The following TERF1 variants were observed in gnomAD, a reference collection of about 807,000 sequenced individuals.
The protein encoded by TERF1 is telomeric repeat-binding factor 1.
TERF1 carries 20 observed loss-of-function variants against 55.1 expected under a neutral mutation model. The observed-to-expected ratio is 0.36, with a 90% CI of 0.26 to 0.53. TERF1 has a LOEUF of 0.53. TERF1 is among the 20% of genes least tolerant of loss of function. The pLI is 0.91. For synonymous variants in TERF1, 168 were observed against 181.2 expected, an observed-to-expected ratio of 0.93 and a Z score of 0.59; for missense variants, 439 against 535.7, an observed-to-expected ratio of 0.82 and a Z score of 1.78.
intron 6 of TERF1, among the ~76,000 whole-genome samples, chr8:73,028,336 C>T (rs1312425923): frequency 6.6e-6 from 1 of 152,176 alleles, no homozygotes; most frequent in African/African-American, 2.4e-5. Flanking sequence ...TTTAACCTCA[C>T]ACATCCAGCT....
At chr8:73,015,193 C>G (rs746181634) in intron 2 of TERF1, among the ~76,000 whole-genome samples, 1 of 151,898 alleles carries the variant, frequency 6.6e-6, no homozygotes, top group Non-Finnish European at 1.5e-5. Flanking sequence ...TGGATATATC[C>G]TAGATATAAT....
chr8:73,044,338 G>A (rs1809949831), intron 9 of TERF1, among the ~76,000 whole-genome samples: 1 of 152,166 alleles, frequency 6.6e-6, no homozygotes, highest in Non-Finnish European at 1.5e-5. Context: ...CAAAGCAGAG[G>A]AATAGCAAGA....
chr8:73,038,857 G>A (rs993854580), intron 8 of TERF1: 1 of 589,734 alleles, frequency 1.7e-6, no homozygotes, highest in African/African-American at 2.0e-5. Flanking sequence ...AACAGATAAT[G>A]GAAAGACAGG....
chr8:73,046,961 A>T lies in TERF1; in HGVS notation c.*824A>T, dbSNP rs1392066867. The T allele has an allele frequency of 6.6e-6, 1 of 152,192 alleles. No homozygotes were observed. The highest frequency in any genetic ancestry group is 2.1e-4 in the South Asian group (1 of 4,832). The allele number at this position is 152,192 out of a possible 1,614,324, so 9.4% of individuals were successfully genotyped here. ...ACATACTTTTGCTTTCAGTAGTTTC[A>T]TGTAAAGAAAAAAACTTGAAAATAG... is the stretch of plus-strand genomic sequence containing the variant. On this transcript the variant is annotated 3_prime_UTR_variant, in exon 10 of 10. Coordinates refer to ENST00000276603, the MANE Select transcript of TERF1 (RefSeq NM_017489.3).
At chr8:73,020,922 A>G in intron 3 of TERF1, 117 bp downstream of exon 3, 2 of 724,448 alleles carry the variant, frequency 2.8e-6, no homozygotes, top group Non-Finnish European at 4.4e-6. Flanking sequence ...GTTTCTCTTC[A>G]GAAATTTGAC....
At chr8:73,014,822 G>C (rs1431934978) in intron 2 of TERF1, among the ~76,000 whole-genome samples, 1 of 152,184 alleles carries the variant, frequency 6.6e-6, no homozygotes, top group Non-Finnish European at 1.5e-5. Context: ...CTTTGTTTGG[G>C]GGGTGAGGGT....
intron 4 of TERF1, among the ~76,000 whole-genome samples, chr8:73,022,996 A>G (rs1027117846): frequency 7.2e-5 from 11 of 152,234 alleles, no homozygotes; most frequent in Non-Finnish European, 1.5e-4. Context: ...CCTCCTGTAT[A>G]GTTTAAATCA....
chr8:73,012,009 TC>T (rs1808300075), intron 1 of TERF1: 1 of 152,240 alleles, frequency 6.6e-6, no homozygotes, highest in Admixed American at 6.5e-5. Context: ...TGACATCCTT[TC>T]CTCACTAAGC....
At chr8:73,037,716 TAATATATATTATATAGTATGAA>T (rs1809622680) in intron 8 of TERF1, among the ~76,000 whole-genome samples, 2 of 88,388 alleles carry the variant, frequency 2.3e-5, no homozygotes, top group African/African-American at 4.9e-5. Context: ...ATATTATATA[TAATATATATTATATAGTATGAA>T]ATATATATTA....
intron 5 of TERF1, 76 bp downstream of exon 5, chr8:73,025,047 A>G: frequency 1.1e-6 from 1 of 900,542 alleles, no homozygotes; most frequent in Non-Finnish European, 1.6e-6. Context: ...CTTGAAATAG[A>G]AATCCTTTAA....
chr8:73,013,934 TGA>T lies in TERF1; in HGVS notation c.362_363del (p.Arg121AsnfsTer18). 3 of 1,611,550 alleles carry T rather than the reference TGA, an allele frequency of 1.9e-6. No individual in the cohort carries two copies. In the South Asian group the frequency reaches 3.3e-5, roughly 18 times the overall value. On this transcript the variant is annotated frameshift_variant, in exon 2 of 10. Transcript: ENST00000276603. LOFTEE classifies it high-confidence loss of function. The stretch of plus-strand genomic sequence containing the variant: ...CTATCCAGTCTAACAGCTTGCCAGT[TGA>T]GAACGATATACATATGTCAGTTTTT...
chr8:73,025,354 C>T (rs997311195), intron 5 of TERF1, among the ~76,000 whole-genome samples: 2 of 152,070 alleles, frequency 1.3e-5, no homozygotes, highest in African/African-American at 2.4e-5. Flanking sequence ...AGGCCAGGCG[C>T]GGTGGCTCAT....
intron 9 of TERF1, 21 bp downstream of exon 9, chr8:73,039,240 C>T (rs767982501): frequency 8.8e-6 from 13 of 1,485,430 alleles, no homozygotes; most frequent in South Asian, 3.7e-5. Context: ...TTTTAAAATT[C>T]GAATAACGCT....
intron 9 of TERF1, chr8:73,042,990 A>G (rs969267694): frequency 6.6e-6 from 1 of 152,218 alleles, no homozygotes; most frequent in Non-Finnish European, 1.5e-5. Context: ...AATCTGGTAC[A>G]ATCAGTTAAA....
rs56373870 is a variant in TERF1 at position 73,009,510 on chromosome 8, T to C, written c.319+305T>C. 3.9e-3 allele frequency: 1,271 copies of C among 327,274 alleles called. 15 individuals carry two copies. The highest frequency in any genetic ancestry group is 0.026 in the African/African-American group (1,204 of 46,098). 20.3% of individuals were successfully genotyped at this position (327,274 alleles called of 1,614,324 possible). On this transcript the variant is annotated intron_variant, in intron 1 of 9. Coordinates refer to ENST00000276603, the MANE Select transcript of TERF1 (RefSeq NM_017489.3). ...CTCAACCCAGTACCTTTGTCTCTTT[T>C]GGCGCTTTCTACTCAGGTATTCCTG...
intron 2 of TERF1, among the ~76,000 whole-genome samples, chr8:73,019,206 T>A (rs745859736): frequency 2.0e-5 from 3 of 151,778 alleles, no homozygotes; most frequent in African/African-American, 7.3e-5. Flanking sequence ...CATCCTCAGA[T>A]GTGGTGTGGG....
intron 5 of TERF1, 117 bp downstream of exon 5, chr8:73,025,088 T>C: frequency 1.6e-6 from 1 of 625,970 alleles, no homozygotes; most frequent in Non-Finnish European, 2.5e-6. Context: ...TGTGGTTTTG[T>C]AGAAAGGTGT....
At chr8:73,014,257 C>T (rs1240055896) in intron 2 of TERF1, among the ~76,000 whole-genome samples, 1 of 143,314 alleles carries the variant, frequency 7.0e-6, no homozygotes, top group Non-Finnish European at 1.5e-5. Flanking sequence ...AAAAAAAAAA[C>T]ATAGTGCTGA....
chr8:73,024,967 T>A lies in TERF1; in HGVS notation c.770T>A (p.Met257Lys), dbSNP rs55834252. Residue 257 changes from methionine (M) to lysine (K), a missense_variant, in exon 5 of 10, where the codon ATG becomes AAG. This residue lies in a region of TERF1 where 140 missense variants were observed against 158.6 expected (regional missense o/e 0.88). Transcript: ENST00000276603. ...AGTGAAAAATCATCAACCTTTCTAATGAAGGTATACATATTATTCAAGAGT... is the reference window on the plus strand; with the variant it reads ...AGTGAAAAATCATCAACCTTTCTAAAGAAGGTATACATATTATTCAAGAGT... ...VLSEKSSTFL[M>K]KAAAKVVESK... is the part of the protein sequence containing the mutation. 6.4e-7 allele frequency: 1 copy of A among 1,551,760 alleles called. No homozygotes were observed. The highest frequency in any genetic ancestry group is 1.2e-5 in the South Asian group (1 of 86,788).
Sources: allele counts gnomAD v4.1 joint callset (sites outside exome capture counted in the v4.1 genomes callset), GRCh38; gene constraint gnomAD v4.1.1; regional missense constraint gnomAD v4.1.1; transcripts MANE v1.5; gene names NCBI Gene and HGNC (gene_info 2026-07-23, HGNC 2026-07-21).